Variants in ZFHX3 observed in about 807,000 individuals in gnomAD.
ZFHX3 encodes the protein zinc finger homeobox 3, also known as zinc finger homeobox protein 3.
ZFHX3 carries 42 observed loss-of-function variants against 279.1 expected under a neutral mutation model. That is an observed-to-expected ratio of 0.15 (90% CI 0.12 to 0.19). The LOEUF is 0.19. Ranked by LOEUF, ZFHX3 falls within the 10% of genes least tolerant of loss-of-function variation. The pLI, the probability that ZFHX3 is intolerant of heterozygous loss-of-function variation, is 1.00. For synonymous variants in ZFHX3, 2,293 were observed against 1,957.8 expected (o/e 1.17, Z -4.52); for missense variants, 4,981 against 4,754.0 (o/e 1.05, Z -1.40).
intron 2 of ZFHX3, among the ~76,000 whole-genome samples, chr16:73,586,072 A>G (rs1293257246): frequency 6.6e-6 from 1 of 152,140 alleles, no homozygotes; most frequent in Non-Finnish European, 1.5e-5. Flanking sequence ...ACAACTATAT[A>G]TTGTTTTTAA....
chr16:73,069,223 G>A (rs1465516408), intron 8 of ZFHX3, among the ~76,000 whole-genome samples: 1 of 152,196 alleles, frequency 6.6e-6, no homozygotes, highest in Non-Finnish European at 1.5e-5. Flanking sequence ...TGAGAGTGAC[G>A]TATTTTGTTA....
intron 1 of ZFHX3, among the ~76,000 whole-genome samples, chr16:73,851,568 A>G (rs1162756158): frequency 6.6e-6 from 1 of 152,220 alleles, no homozygotes; most frequent in Non-Finnish European, 1.5e-5. Flanking sequence ...ACTCACGTAT[A>G]AAAATTGCAA....
At position 72,797,752 on chromosome 16, in the gene ZFHX3, T is replaced by A. The variant is rs1033337522; in HGVS notation, c.4930A>T (p.Ser1644Cys). 1.2e-6 allele frequency: 2 copies of A among 1,614,066 alleles called. No individual in the cohort carries two copies. Among genetic ancestry groups the A allele is most frequent in the Non-Finnish European group, 1.7e-6 (2 of 1,180,038 alleles). The change falls in exon 9 of 10, where the codon AGT (serine) becomes TGT (cysteine). Residue 1644 changes from serine to cysteine, a missense_variant. Physicochemically the swap from Ser to Cys is moderately radical, Grantham distance 112. Coordinates refer to ENST00000268489, the MANE Select transcript of ZFHX3 (RefSeq NM_006885.4). ...GGCGTGGAGGAGCTCAAGGAAATAC[T>A]GCTGCTGTTCCCAGTCCCATTGCTG... ...GSSNGTGNSS[S>C]ISLSSSTPSP...
chr16:73,246,417 A>G (rs1257969897), intron 5 of ZFHX3, among the ~76,000 whole-genome samples: 1 of 152,134 alleles, frequency 6.6e-6, no homozygotes, highest in Non-Finnish European at 1.5e-5. Context: ...TCAGGATCAG[A>G]AGTCTGTGGG....
chr16:73,347,219 C>T (rs2016140144), intron 3 of ZFHX3, among the ~76,000 whole-genome samples: 1 of 152,242 alleles, frequency 6.6e-6, no homozygotes, highest in African/African-American at 2.4e-5. Flanking sequence ...GATTCTACTT[C>T]CTGACACAGC....
chr16:73,025,687 T>C (rs1008408953), intron 1 of ZFHX3, among the ~76,000 whole-genome samples: 1 of 151,822 alleles, frequency 6.6e-6, no homozygotes, highest in African/African-American at 2.4e-5. Context: ...AACATGAACA[T>C]CCCAGCCAGA....
chr16:72,949,451 T>G (rs969398732), intron 3 of ZFHX3, among the ~76,000 whole-genome samples: 1 of 152,062 alleles, frequency 6.6e-6, no homozygotes, highest in African/African-American at 2.4e-5. Context: ...ATGGGATGAT[T>G]AGAGAAAAAG....
rs1555519164 is a variant in ZFHX3, at chr16:73,472,279, A to AC, written c.-1546-16022_-1546-16021insG. ...TACTTTTTAAATCTTAAAAAAAAAA[A>AC]AAAAAAAACAGCATATCTAAAGTCC... is the stretch of plus-strand genomic sequence containing the variant. On this transcript the variant is annotated intron_variant, in intron 2 of 17. Transcript: ENST00000641206. Among the ~76,000 whole-genome samples the AC allele has an allele frequency of 1.6e-4, 25 of 151,840 alleles. 1 individual carries two copies. Among genetic ancestry groups the AC allele is most frequent in the Admixed American group, 1.6e-3 (24 of 15,258 alleles).
intron 1 of ZFHX3, among the ~76,000 whole-genome samples, chr16:73,739,721 G>C (rs1374745924): frequency 6.6e-6 from 1 of 152,168 alleles, no homozygotes; most frequent in African/African-American, 2.4e-5. Flanking sequence ...TATCCTGAAG[G>C]CCAAACAATC....
chr16:72,799,643 C>T (rs1450202297), intron 8 of ZFHX3, among the ~76,000 whole-genome samples: 1 of 152,206 alleles, frequency 6.6e-6, no homozygotes, highest in Non-Finnish European at 1.5e-5. Flanking sequence ...GACAACTAAT[C>T]CAGTGTACCT....
intron 2 of ZFHX3, among the ~76,000 whole-genome samples, chr16:73,532,185 A>G (rs1333617595): frequency 1.3e-5 from 2 of 151,456 alleles, no homozygotes; most frequent in African/African-American, 4.9e-5. Flanking sequence ...CTTGAATTGT[A>G]GCTCCCACGT....
intron 2 of ZFHX3, among the ~76,000 whole-genome samples, chr16:73,475,602 C>T (rs1473298199): frequency 1.3e-5 from 2 of 151,996 alleles, no homozygotes; most frequent in Admixed American, 1.3e-4. Flanking sequence ...ATAAAAAGTA[C>T]TAAAGTTGCA....
In ZFHX3 at chr16:72,793,861, C is replaced by G; in HGVS notation, c.8821G>C (p.Gly2941Arg). ...AAACGTTTCTGCCCAGGCCGATCTC[C>G]GCTGTCACCAGATTTGCCTGCAGAT... ...SGSAGKSGDS[G>R]DRPGQKRFRT... The change falls in exon 9 of 10, where the codon GGA becomes CGA. Residue 2941 changes from glycine to arginine, a missense_variant. Transcript: ENST00000268489. The surrounding 1 kb of genome is among the most constrained non-coding windows in gnomAD (Gnocchi z 4.3). The G allele has an allele frequency of 6.2e-7, 1 of 1,614,174 alleles. No individual in the cohort carries two copies.
In ZFHX3 at chr16:72,797,492, TTGC is replaced by T. The variant is rs753595993; in HGVS notation, c.5187_5189del (p.Gln1741del). The T allele has an allele frequency of 1.9e-6, 3 of 1,610,330 alleles. No individual in the cohort carries two copies. The highest frequency in any genetic ancestry group is 1.1e-5 in the South Asian group (1 of 90,024). On this transcript the variant is annotated inframe_deletion, in exon 9 of 10. Transcript: ENST00000268489. ...GTTGTTGTTGTTGTTGTTGTTGCTG[TTGC>T]TGCTGCTGTTGTTGCTGCTGCCTGG...
chr16:72,865,755 A>G (rs922175330), intron 4 of ZFHX3, among the ~76,000 whole-genome samples: 4 of 152,124 alleles, frequency 2.6e-5, no homozygotes, highest in African/African-American at 9.7e-5. Flanking sequence ...GCTCTTCCCA[A>G]TTCTGCTGCT....
At chr16:73,629,241 C>A (rs2052446297) in intron 2 of ZFHX3, among the ~76,000 whole-genome samples, 1 of 152,170 alleles carries the variant, frequency 6.6e-6, no homozygotes, top group Non-Finnish European at 1.5e-5. Flanking sequence ...CGCTTCCAAC[C>A]CTGCCCTGTA....
rs1269226004 is a variant in ZFHX3 at position 73,491,356 on chromosome 16, G to C, written c.-1546-35098C>G. On this transcript the variant is annotated intron_variant, in intron 2 of 17. Transcript: ENST00000641206. ...ATCCATTGACTGGAATTGGTCACAT[G>C]GCTTCAATTCACTGCAAAGGTGCTG... Among the ~76,000 whole-genome samples, 3 of 152,198 alleles carry C rather than the reference G, an allele frequency of 2.0e-5. No homozygotes were observed. In the East Asian group the frequency reaches 5.8e-4, roughly 29 times the overall value.
chr16:72,847,873 T>C (rs913551031), intron 4 of ZFHX3, among the ~76,000 whole-genome samples: 4 of 152,052 alleles, frequency 2.6e-5, no homozygotes, highest in African/African-American at 7.2e-5. Context: ...AGGTTCCACA[T>C]TGATCTGAAG....
intron 3 of ZFHX3, among the ~76,000 whole-genome samples, chr16:73,379,066 G>A (rs2016775185): frequency 6.6e-6 from 1 of 152,196 alleles, no homozygotes; most frequent in East Asian, 1.9e-4. Flanking sequence ...ATCCCACGAA[G>A]GAGGATCTGT....
Sources: allele counts gnomAD v4.1 joint callset (sites outside exome capture counted in the v4.1 genomes callset), GRCh38; gene constraint gnomAD v4.1.1; non-coding constraint Gnocchi (gnomAD v3.1); transcripts MANE v1.5; gene names NCBI Gene and HGNC (gene_info 2026-07-23, HGNC 2026-07-21).